PSD3: variants seen among roughly 807,000 people sequenced by gnomAD.
The protein encoded by PSD3 is PH and SEC7 domain-containing protein 3.
A neutral mutation model predicts 105.5 loss-of-function variants in PSD3; 49 were observed. The observed-to-expected ratio is 0.46, with a 90% confidence interval of 0.37 to 0.59. PSD3 has a LOEUF of 0.59. Ranked by LOEUF, PSD3 falls within the 20% of genes least tolerant of loss-of-function variation. The pLI is 0.00. For synonymous variants in PSD3, 557 were observed against 457.8 expected, an observed-to-expected ratio of 1.22 and a Z score of -2.77; for missense variants, 1,561 against 1,263.8, an observed-to-expected ratio of 1.24 and a Z score of -3.57.
chr8:18,782,650 G>A (rs181050755), intron 8 of PSD3, among the ~76,000 whole-genome samples: 4 of 152,316 alleles, frequency 2.6e-5, no homozygotes, highest in Admixed American at 2.0e-4. Context: ...GTCTTCAAGT[G>A]GATTGTCTGT....
intron 15 of PSD3, among the ~76,000 whole-genome samples, chr8:18,536,224 A>C (rs115072991): frequency 0.015 from 2,234 of 152,298 alleles, 53 homozygotes; most frequent in African/African-American, 0.051. Flanking sequence ...GTTGCTGGCT[A>C]CCAGATGGAA....
chr8:18,624,646 C>T (rs766765522), intron 11 of PSD3, among the ~76,000 whole-genome samples: 1 of 147,506 alleles, frequency 6.8e-6, no homozygotes, highest in Non-Finnish European at 1.5e-5. Flanking sequence ...TGTAACTAAC[C>T]TGCACATTGT....
chr8:18,984,105 A>C (rs1283192024), intron 1 of PSD3, among the ~76,000 whole-genome samples: 1 of 151,476 alleles, frequency 6.6e-6, no homozygotes, highest in Non-Finnish European at 1.5e-5. Context: ...AATTACAAAA[A>C]GGTGACAGAG....
At position 18,827,544 on chromosome 8, in the gene PSD3, G is replaced by T. The variant is rs553566999; in HGVS notation, c.1635-22646C>A. Among the ~76,000 whole-genome samples the T allele has an allele frequency of 3.3e-5, 5 of 152,246 alleles. No individual in the cohort carries two copies. The East Asian group carries it at 7.7e-4, about 23-fold the overall frequency. On this transcript the variant is annotated intron_variant, in intron 4 of 15. Coordinates refer to ENST00000327040, the MANE Select transcript of PSD3 (RefSeq NM_015310.4). ...CTAGGTGGTATTATGGAAGGTGACTGGATTAAATAGATAGATTAAATGAAT... is the reference window on the plus strand; with the variant it reads ...CTAGGTGGTATTATGGAAGGTGACTTGATTAAATAGATAGATTAAATGAAT...
chr8:18,572,165 T>C (rs113093639), intron 14 of PSD3, among the ~76,000 whole-genome samples: 20 of 152,168 alleles, frequency 1.3e-4, no homozygotes, highest in African/African-American at 3.9e-4. Flanking sequence ...TCCTGGAATA[T>C]GGTAAATGCT....
At chr8:18,810,136 C>A (rs564856090) in intron 4 of PSD3, among the ~76,000 whole-genome samples, 1 of 152,160 alleles carries the variant, frequency 6.6e-6, no homozygotes, top group African/African-American at 2.4e-5. Context: ...CACTCATCAC[C>A]CCCAGCCCTA....
intron 9 of PSD3, among the ~76,000 whole-genome samples, chr8:18,667,447 G>A (rs188406990): frequency 1.3e-5 from 2 of 152,288 alleles, no homozygotes; most frequent in East Asian, 3.9e-4. Flanking sequence ...CCCTTAGCTA[G>A]ACATGAAGAT....
In PSD3 at chr8:19,060,680, T is replaced by A. The variant is rs114220175; in HGVS notation, c.324+23526A>T. ...CAAATGTCAATAGATCTTGGCAGTGTGAAATATGCCTCCATGCCAAAGTCT... is the reference window on the plus strand; with the variant it reads ...CAAATGTCAATAGATCTTGGCAGTGAGAAATATGCCTCCATGCCAAAGTCT... On this transcript the variant is annotated intron_variant, in intron 1 of 1. Coordinates refer to the PSD3 transcript ENST00000521475. Among the ~76,000 whole-genome samples, 173 of 152,332 alleles carry A rather than the reference T, an allele frequency of 1.1e-3. 1 individual carries two copies. Among genetic ancestry groups the A allele is most frequent in the African/African-American group, 4.0e-3 (168 of 41,572 alleles).
intron 9 of PSD3, among the ~76,000 whole-genome samples, chr8:18,699,584 A>AT (rs1305937504): frequency 6.6e-6 from 1 of 152,204 alleles, no homozygotes; most frequent in Non-Finnish European, 1.5e-5. Context: ...CGAATACTCT[A>AT]TATGAAGGAT....
intron 4 of PSD3, among the ~76,000 whole-genome samples, chr8:18,817,364 C>T (rs1812301476): frequency 1.3e-5 from 2 of 152,178 alleles, no homozygotes; most frequent in Admixed American, 1.3e-4. Flanking sequence ...AGGGTCCAGA[C>T]TCTTATCAAT....
chr8:18,537,962 C>T (rs1017213531), intron 15 of PSD3, among the ~76,000 whole-genome samples: 4 of 152,224 alleles, frequency 2.6e-5, no homozygotes, highest in African/African-American at 7.2e-5. Context: ...CAGGCGTGAG[C>T]CACTGCACGT....
chr8:18,914,653 C>T (rs1028045655), intron 2 of PSD3, among the ~76,000 whole-genome samples: 4 of 151,994 alleles, frequency 2.6e-5, no homozygotes, highest in African/African-American at 9.7e-5. Context: ...TAAATCTGAC[C>T]AAGAGAGTGA....
intron 15 of PSD3, 93 bp downstream of exon 15, chr8:18,556,116 T>C: frequency 1.4e-6 from 2 of 1,428,490 alleles, no homozygotes; most frequent in Non-Finnish European, 1.9e-6. Context: ...GACACGCCTC[T>C]CTCAGTGACA....
At chr8:18,713,157 G>T (rs1188938892) in intron 9 of PSD3, among the ~76,000 whole-genome samples, 1 of 152,086 alleles carries the variant, frequency 6.6e-6, no homozygotes, top group Non-Finnish European at 1.5e-5. Flanking sequence ...AGCCATTCAT[G>T]ACAAACCCAC....
In PSD3 at chr8:18,535,931, T is replaced by C; in HGVS notation, c.2956A>G (p.Ile986Val). 3 of 1,614,196 alleles carry C rather than the reference T, an allele frequency of 1.9e-6. No homozygotes were observed. The highest frequency in any genetic ancestry group is 8.5e-7 in the Non-Finnish European group (1 of 1,180,024). The change falls in exon 16 of 16, where the codon ATT (isoleucine) becomes GTT (valine). Residue 986 changes from isoleucine to valine, a missense_variant. Transcript: ENST00000327040. ...AGCTCTTTGCCTCCTTCCTTGAGAA[T>C]GCTGACATACATTTCATAGCGGGTT... ...EKTRYEMYVSILKEGGKELLS... is the reference protein window; with the variant it reads ...EKTRYEMYVSVLKEGGKELLS...
At chr8:18,930,475 T>G (rs111892615) in intron 2 of PSD3, among the ~76,000 whole-genome samples, 9 of 152,146 alleles carry the variant, frequency 5.9e-5, no homozygotes, top group Non-Finnish European at 1.0e-4. Context: ...GTCTTTACAT[T>G]GGCATACGCT....
At chr8:19,026,366 T>A (rs999376800) in intron 1 of PSD3, among the ~76,000 whole-genome samples, 3 of 152,156 alleles carry the variant, frequency 2.0e-5, no homozygotes, top group African/African-American at 7.2e-5. Flanking sequence ...TTTATCTCCA[T>A]AACTCTCAGA....
intron 4 of PSD3, among the ~76,000 whole-genome samples, chr8:18,865,677 C>G (rs1170676642): frequency 2.0e-5 from 3 of 152,064 alleles, no homozygotes; most frequent in Non-Finnish European, 4.4e-5. Flanking sequence ...AGTAGGAGTG[C>G]CCAGACTCGG....
At chr8:18,788,603 T>G (rs999044505) in intron 8 of PSD3, among the ~76,000 whole-genome samples, 1 of 152,212 alleles carries the variant, frequency 6.6e-6, no homozygotes, top group African/African-American at 2.4e-5. Flanking sequence ...TCTTCATTTT[T>G]GATAGTGTCA....
Sources: gnomAD v4.1 joint callset for allele counts (sites outside exome capture counted in the v4.1 genomes callset) on GRCh38, gnomAD v4.1.1 for gene constraint, MANE v1.5 for transcripts, NCBI Gene and HGNC (gene_info 2026-07-23, HGNC 2026-07-21) for gene names.